EPS8L1: variants seen among roughly 807,000 people sequenced by gnomAD.
EPS8L1 encodes the protein epidermal growth factor receptor kinase substrate 8-like protein 1.
EPS8L1 carries 101 observed loss-of-function variants against 91.7 expected under a neutral mutation model. The ratio of observed to expected loss-of-function variants is 1.10; its 90% CI spans 0.94 to 1.30. EPS8L1 has a LOEUF of 1.30. Among genes scored for constraint, EPS8L1 ranks in the 50% most tolerant of loss-of-function variants. The pLI is 0.00. For synonymous variants in EPS8L1, 506 were observed against 445.3 expected, an observed-to-expected ratio of 1.14 and a Z score of -1.72; for missense variants, 1,114 against 1,017.0, an observed-to-expected ratio of 1.10 and a Z score of -1.30.
intron 18 of EPS8L1, 45 bp downstream of exon 18, chr19:55,086,933 T>A (rs946291097): frequency 2.9e-6 from 4 of 1,403,402 alleles, no homozygotes; most frequent in South Asian, 1.6e-5. Context: ...ATACGGACGC[T>A]GGGAGCGGAG....
In EPS8L1 at chr19:55,081,634, G is replaced by A; in HGVS notation, c.775-139G>A. ...TGGAAGAGGGGCTGGGTCGGGGGCGGGGCTTGGTTGTGGGGCGTGGCCAGG... is the reference window on the plus strand; with the variant it reads ...TGGAAGAGGGGCTGGGTCGGGGGCGAGGCTTGGTTGTGGGGCGTGGCCAGG... On this transcript the variant is annotated intron_variant, in intron 8 of 19. Transcript: ENST00000201647. The surrounding 1 kb of genome is among the most constrained non-coding windows in gnomAD (Gnocchi z 4.9). The A allele has an allele frequency of 1.9e-6, 1 of 538,678 alleles. No individual in the cohort carries two copies. Among genetic ancestry groups the A allele is most frequent in the Non-Finnish European group, 3.1e-6 (1 of 324,716 alleles). The allele number at this position is 538,678 out of a possible 1,614,324, so 33.4% of individuals were successfully genotyped here. A position where few individuals can be genotyped will look rare whatever the true frequency, so the allele number is the denominator to read the frequency against.
Position 55,079,690 on chromosome 19 carries a change from C to G in EPS8L1, c.118C>G (p.His40Asp). The change falls in exon 5 of 20, where the codon CAC becomes GAC. Residue 40 changes from histidine (H) to aspartate (D), a missense_variant and splice_region_variant. Coordinates refer to ENST00000201647, the MANE Select transcript of EPS8L1 (RefSeq NM_133180.3). ...CTGCTTTCTCCATGGTCCGTACCAG[C>G]ACCTGGTGACGTTCTGCCTGGGTGA... Reference protein sequence around the residue: ...MADVSQYPVNHLVTFCLGEDD... With the variant: ...MADVSQYPVNDLVTFCLGEDD... 1 of 1,613,364 alleles carries G rather than the reference C, an allele frequency of 6.2e-7. No homozygotes were observed. Among genetic ancestry groups the G allele is most frequent in the East Asian group, 2.2e-5 (1 of 44,876 alleles).
In EPS8L1 at chr19:55,086,808, C is replaced by G; in HGVS notation, c.1872C>G (p.Arg624=). ...CGAGCCGCGCAGTCCCAGGGCCCCG[C>G]GCCCCGGAACCGCAGCTCAGCCCGG... ...SGPSRAVPGP[R]APEPQLSPGS... Residue 624 remains arginine, a synonymous_variant, in exon 18 of 20, where the codon CGC becomes CGG. Transcript: ENST00000201647. 6 of 1,591,256 alleles carry G rather than the reference C, an allele frequency of 3.8e-6. No individual in the cohort carries two copies. The highest frequency in any genetic ancestry group is 5.1e-6 in the Non-Finnish European group (6 of 1,170,120).
At position 55,086,847 on chromosome 19, in the gene EPS8L1, C is replaced by T. The variant is rs770490196; in HGVS notation, c.1911C>T (p.Ser637=). 2.0e-6 allele frequency: 3 copies of T among 1,498,566 alleles called. No homozygotes were observed. Among genetic ancestry groups the T allele is most frequent in the Admixed American group, 2.5e-5 (1 of 39,930 alleles). 92.8% of individuals were successfully genotyped at this position (1,498,566 alleles called of 1,614,324 possible). A position where few individuals can be genotyped will look rare whatever the true frequency, so the allele number is the denominator to read the frequency against. ...EPQLSPGSDA[S]EVRAWLQAKG... Reference sequence around the variant, plus strand: ...AGCTCAGCCCGGGCTCGGACGCCTCCGAGGTCCGCGCCTGGCTGCAGGCCA... The same window carrying T: ...AGCTCAGCCCGGGCTCGGACGCCTCTGAGGTCCGCGCCTGGCTGCAGGCCA... Residue 637 remains serine, a synonymous_variant, in exon 18 of 20, where the codon TCC becomes TCT. Transcript: ENST00000201647.
At chr19:55,080,094 G>T in intron 5 of EPS8L1, 35 bp from the exon 6 acceptor site, 1 of 1,468,698 alleles carries the variant, frequency 6.8e-7, no homozygotes. Context: ...CCATCATTTC[G>T]GGGCCTCAGT....
In EPS8L1 at chr19:55,082,515, C is replaced by T. The variant is rs1181674994; in HGVS notation, c.1127C>T (p.Ser376Leu). The part of the protein sequence containing the change: ...ASSVRRPHLT[S>L]DAVALLRDNV... ...AGTGTGCGGCGGCCGCATCTGACATCGGATGCCGTGGCGCTGCTGCGGGAC... is the reference window on the plus strand; with the variant it reads ...AGTGTGCGGCGGCCGCATCTGACATTGGATGCCGTGGCGCTGCTGCGGGAC... Residue 376 changes from serine to leucine, a missense_variant, in exon 12 of 20, where the codon TCG becomes TTG. By Grantham distance (145) the Ser-to-Leu change is moderately radical (BLOSUM62 -2). Coordinates refer to ENST00000201647, the MANE Select transcript of EPS8L1 (RefSeq NM_133180.3). 9.9e-6 allele frequency: 16 copies of T among 1,612,400 alleles called. No homozygotes were observed. Among genetic ancestry groups the T allele is most frequent in the Non-Finnish European group, 1.4e-5 (16 of 1,179,734 alleles).
Position 55,086,002 on chromosome 19 carries a change from G to T in EPS8L1, c.1518+29G>T, listed in dbSNP as rs2076348528. On this transcript the variant is annotated intron_variant, in intron 15 of 19. Coordinates refer to ENST00000201647, the MANE Select transcript of EPS8L1 (RefSeq NM_133180.3). Reference sequence around the variant, plus strand: ...AGAGGAGCGGGAGGCTGAGGGGCAGGAATTAGCCAGCCCTAGCTGCAGACA... The same window carrying T: ...AGAGGAGCGGGAGGCTGAGGGGCAGTAATTAGCCAGCCCTAGCTGCAGACA... 7 of 1,604,054 alleles carry T rather than the reference G, an allele frequency of 4.4e-6. No homozygotes were observed. In the East Asian group the frequency reaches 1.6e-4, roughly 36 times the overall value.
At chr19:55,082,658 T>A in intron 12 of EPS8L1, 56 bp downstream of exon 12, 2 of 1,477,640 alleles carry the variant, frequency 1.4e-6, no homozygotes, top group Non-Finnish European at 1.8e-6. Flanking sequence ...CATAAGGCGC[T>A]GGGAGGTGGG....
Position 55,082,750 on chromosome 19 carries a change from G to A in EPS8L1, c.1214+148G>A, listed in dbSNP as rs1156638926. 3 of 740,144 alleles carry A rather than the reference G, an allele frequency of 4.1e-6. No individual in the cohort carries two copies. The African/African-American group carries it at 5.3e-5, about 13-fold the overall frequency. The allele number at this position is 740,144 out of a possible 1,614,324, so 45.8% of individuals were successfully genotyped here. On this transcript the variant is annotated intron_variant, in intron 12 of 19. Coordinates refer to ENST00000201647, the MANE Select transcript of EPS8L1 (RefSeq NM_133180.3). ...TTAGTTGTGTTGGGGCGGGGCTTAGGACAGATGCCAAGATTCAATTGGAGG... is the reference window on the plus strand; with the variant it reads ...TTAGTTGTGTTGGGGCGGGGCTTAGAACAGATGCCAAGATTCAATTGGAGG...
intron 6 of EPS8L1, 94 bp downstream of exon 6, chr19:55,080,372 CCTGGGGCTAAGG>C: frequency 6.4e-7 from 1 of 1,550,776 alleles, no homozygotes; most frequent in South Asian, 1.2e-5. Context: ...TGGGGCGGGG[CCTGGGGCTAAGG>C]CGGGATCAGA....
rs1408282831 is a variant in EPS8L1, at chr19:55,086,376, C to A, written c.1651-16C>A. 1 of 1,589,438 alleles carries A rather than the reference C, an allele frequency of 6.3e-7. No homozygotes were observed. The highest frequency in any genetic ancestry group is 2.3e-5 in the East Asian group (1 of 44,138). ...TCCTCTCCCTAACCCAGGTACTCTCCTCTCCTTCCTTTCAGAACAGCACTC... is the reference window on the plus strand; with the variant it reads ...TCCTCTCCCTAACCCAGGTACTCTCATCTCCTTCCTTTCAGAACAGCACTC... On this transcript the variant is annotated splice_polypyrimidine_tract_variant and intron_variant, in intron 16 of 19. Transcript: ENST00000201647.
intron 1 of EPS8L1, 90 bp from the exon 2 acceptor site, chr19:55,076,317 TG>T: frequency 3.4e-6 from 4 of 1,165,768 alleles, no homozygotes; most frequent in Admixed American, 4.6e-5. Flanking sequence ...GAGGAGGGGC[TG>T]GGGCCTGGAT....
At chr19:55,084,033 T>C (rs2076330063) in intron 14 of EPS8L1, 2 of 439,576 alleles carry the variant, frequency 4.5e-6, no homozygotes, top group South Asian at 2.5e-5. Context: ...CCCTGGATAT[T>C]GGAGGGGAGA....
At position 55,083,877 on chromosome 19, in the gene EPS8L1, G is replaced by C. The variant is rs2076326816; in HGVS notation, c.1385+233G>C. ...TAAGGGAGTTGGGAATGGAGACCCG[G>C]ATTCCTGGGCCTAAGGGAGGAAGGG... On this transcript the variant is annotated intron_variant, in intron 14 of 19. Coordinates refer to ENST00000201647, the MANE Select transcript of EPS8L1 (RefSeq NM_133180.3). This position sits in a 1 kb window ranked among gnomAD's most constrained non-coding sequence, Gnocchi z 4.7. 1 of 671,872 alleles carries C rather than the reference G, an allele frequency of 1.5e-6. No individual in the cohort carries two copies. Among genetic ancestry groups the C allele is most frequent in the Non-Finnish European group, 2.6e-6 (1 of 382,306 alleles). The allele number at this position is 671,872 out of a possible 1,614,324, so 41.6% of individuals were successfully genotyped here.
rs955034808 is a variant in EPS8L1 at position 55,083,662 on chromosome 19, G to A, written c.1385+18G>A. On this transcript the variant is annotated intron_variant, in intron 14 of 19. Transcript: ENST00000201647. The surrounding 1 kb of genome is among the most constrained non-coding windows in gnomAD (Gnocchi z 4.7). ...GTCAATGGGTGAGTGTCCGCCCCAG[G>A]GCAGGGCAAGGGGGTCAAGGAGGGG... is the stretch of plus-strand genomic sequence containing the variant. The A allele has an allele frequency of 3.8e-6, 6 of 1,587,940 alleles. No individual in the cohort carries two copies. The African/African-American group carries it at 6.7e-5, about 18-fold the overall frequency.
Position 55,086,808 on chromosome 19 carries a change from C to A in EPS8L1, c.1872C>A (p.Arg624=). Residue 624 remains arginine (R), a synonymous_variant, in exon 18 of 20, where the codon CGC becomes CGA. Transcript: ENST00000201647. ...SGPSRAVPGP[R]APEPQLSPGS... Reference sequence around the variant, plus strand: ...CGAGCCGCGCAGTCCCAGGGCCCCGCGCCCCGGAACCGCAGCTCAGCCCGG... The same window carrying A: ...CGAGCCGCGCAGTCCCAGGGCCCCGAGCCCCGGAACCGCAGCTCAGCCCGG... 6.3e-7 allele frequency: 1 copy of A among 1,591,256 alleles called. No individual in the cohort carries two copies. Among genetic ancestry groups the A allele is most frequent in the Non-Finnish European group, 8.5e-7 (1 of 1,170,120 alleles).
intron 14 of EPS8L1, chr19:55,084,293 G>A (rs575587001): frequency 4.5e-5 from 7 of 156,834 alleles, no homozygotes; most frequent in South Asian, 1.9e-4. Context: ...AAAGGTTTGA[G>A]GGTTAAAAGG....
rs765513309 is a variant in EPS8L1, at chr19:55,080,237, G to C, written c.388G>C (p.Ala130Pro). The C allele has an allele frequency of 2.0e-6, 3 of 1,536,460 alleles. No homozygotes were observed. The highest frequency in any genetic ancestry group is 2.6e-6 in the Non-Finnish European group (3 of 1,136,852). ...GCTCGTGTGCCAGGAACCCGAGCGC[G>C]CGCAGCCCGACGTGCACTTCTTCCA... ...LLLVCQEPER[A>P]QPDVHFFQGL... The change falls in exon 6 of 20, where the codon GCG becomes CCG. Residue 130 changes from alanine (A) to proline (P), a missense_variant. Transcript: ENST00000201647.
chr19:55,083,371 G>A lies in EPS8L1; in HGVS notation c.1215-7G>A. The stretch of plus-strand genomic sequence containing the variant: ...CCCTGAGCTCTTGGCCCTGTCCCTG[G>A]CCGCAGGCTGGAGCTGTCCCCGGAG... On this transcript the variant is annotated splice_polypyrimidine_tract_variant and splice_region_variant and intron_variant, in intron 12 of 19. Transcript: ENST00000201647. The surrounding 1 kb of genome is among the most constrained non-coding windows in gnomAD (Gnocchi z 4.7). 1 of 1,611,828 alleles carries A rather than the reference G, an allele frequency of 6.2e-7. No individual in the cohort carries two copies. Among genetic ancestry groups the A allele is most frequent in the Non-Finnish European group, 8.5e-7 (1 of 1,178,946 alleles).
Sources: gnomAD v4.1 joint callset for allele counts on GRCh38, gnomAD v4.1.1 for gene constraint, Gnocchi (gnomAD v3.1) non-coding constraint, MANE v1.5 for transcripts, NCBI Gene and HGNC (gene_info 2026-07-23, HGNC 2026-07-21) for gene names.